PTPRT: variants seen among roughly 807,000 people sequenced by gnomAD.
PTPRT encodes the protein protein tyrosine phosphatase receptor type T, also known as receptor-type tyrosine-protein phosphatase T.
A neutral mutation model predicts 176.8 loss-of-function variants in PTPRT; 56 were observed. The ratio of observed to expected loss-of-function variants is 0.32; its 90% CI spans 0.26 to 0.40. The LOEUF is 0.40. PTPRT is among the 10% of genes least tolerant of loss of function. The pLI is 1.00. For synonymous variants in PTPRT, 783 were observed against 739.0 expected, an observed-to-expected ratio of 1.06 and a Z score of -0.96; for missense variants, 1,540 against 1,908.2, an observed-to-expected ratio of 0.81 and a Z score of 3.60.
chr20:42,223,818 G>A (rs2055941926), intron 15 of PTPRT, among the ~76,000 whole-genome samples: 1 of 152,128 alleles, frequency 6.6e-6, no homozygotes. Flanking sequence ...GAAGTATGAA[G>A]ACTTAGCTTT....
chr20:42,584,564 T>C (rs6065516), intron 7 of PTPRT, among the ~76,000 whole-genome samples: 97,437 of 152,108 alleles, frequency 0.64, 32,305 homozygotes, highest in East Asian at 0.82. Flanking sequence ...ACCTCAGCCC[T>C]CTGGAGAGCC....
At chr20:42,343,281 C>T (rs1201316218) in intron 11 of PTPRT, among the ~76,000 whole-genome samples, 2 of 152,192 alleles carry the variant, frequency 1.3e-5, no homozygotes, top group Admixed American at 1.3e-4. Context: ...CTCATAGACT[C>T]TTCCCTCCCT....
chr20:42,903,590 C>G (rs1367797323), intron 1 of PTPRT, among the ~76,000 whole-genome samples: 1 of 152,188 alleles, frequency 6.6e-6, no homozygotes, highest in African/African-American at 2.4e-5. Context: ...AGTTGGTTGT[C>G]AGAAGTCCTC....
At chr20:42,588,485 A>G (rs1292027641) in intron 7 of PTPRT, among the ~76,000 whole-genome samples, 1 of 152,108 alleles carries the variant, frequency 6.6e-6, no homozygotes, top group Admixed American at 6.5e-5. Flanking sequence ...AGAAAAATGA[A>G]ATGTGGCTGG....
intron 15 of PTPRT, among the ~76,000 whole-genome samples, chr20:42,217,714 A>G (rs1424633623): frequency 6.6e-6 from 1 of 152,030 alleles, no homozygotes; most frequent in Non-Finnish European, 1.5e-5. Context: ...CTTGGTTTCC[A>G]CCCTCTAGAT....
At chr20:43,015,851 T>C (rs1985340638) in intron 1 of PTPRT, among the ~76,000 whole-genome samples, 1 of 151,658 alleles carries the variant, frequency 6.6e-6, no homozygotes, top group Non-Finnish European at 1.5e-5. Flanking sequence ...CAGATTCCTT[T>C]GCAGATATAA....
chr20:42,765,900 C>A (rs1323612925), intron 5 of PTPRT, among the ~76,000 whole-genome samples: 1 of 152,122 alleles, frequency 6.6e-6, no homozygotes, highest in Admixed American at 6.6e-5. Flanking sequence ...TTCTTTCCAG[C>A]CTTTTGTCCT....
chr20:42,232,527 G>A (rs1447989526), intron 15 of PTPRT, among the ~76,000 whole-genome samples: 1 of 152,052 alleles, frequency 6.6e-6, no homozygotes, highest in African/African-American at 2.4e-5. Context: ...CTCCCCCTCG[G>A]GGCATATACT....
At chr20:42,643,697 T>G (rs1171651684) in intron 7 of PTPRT, among the ~76,000 whole-genome samples, 3 of 152,086 alleles carry the variant, frequency 2.0e-5, no homozygotes, top group African/African-American at 7.3e-5. Flanking sequence ...TGGGCAAGCA[T>G]TTCAAGCTGG....
intron 6 of PTPRT, among the ~76,000 whole-genome samples, chr20:42,709,260 C>T (rs1600644721): frequency 6.6e-6 from 1 of 152,178 alleles, no homozygotes; most frequent in East Asian, 1.9e-4. Context: ...TTTGTCCCCT[C>T]CACAGAATCT....
intron 13 of PTPRT, among the ~76,000 whole-genome samples, chr20:42,254,885 G>A (rs1337260743): frequency 5.3e-5 from 8 of 152,114 alleles, no homozygotes; most frequent in East Asian, 1.9e-4. Flanking sequence ...TTTCTCTGAC[G>A]TCATCTTTTA....
chr20:42,826,259 G>A (rs1414255024), intron 2 of PTPRT, among the ~76,000 whole-genome samples: 1 of 152,174 alleles, frequency 6.6e-6, no homozygotes, highest in African/African-American at 2.4e-5. Flanking sequence ...GCCTTCATGA[G>A]TGCAGAAGGC....
chr20:42,034,262 G>A, the PTPRT span, among the ~76,000 whole-genome samples: 3 of 152,166 alleles, frequency 2.0e-5, no homozygotes, highest in Non-Finnish European at 2.9e-5. Context: ...TTTGAAGGCT[G>A]TTGGACTGAG....
intron 9 of PTPRT, among the ~76,000 whole-genome samples, chr20:42,368,901 G>A (rs1324624321): frequency 1.3e-5 from 2 of 152,170 alleles, no homozygotes; most frequent in African/African-American, 4.8e-5. Flanking sequence ...GGGTTATACA[G>A]TGTCTCAACC....
intron 9 of PTPRT, among the ~76,000 whole-genome samples, chr20:42,354,608 C>T (rs941235229): frequency 2.6e-5 from 4 of 152,160 alleles, no homozygotes; most frequent in African/African-American, 4.8e-5. Flanking sequence ...TGGAGAGGTG[C>T]CCAACTGAAT....
chr20:42,915,144 A>G (rs1429281976), intron 1 of PTPRT, among the ~76,000 whole-genome samples: 1 of 152,272 alleles, frequency 6.6e-6, no homozygotes, highest in Non-Finnish European at 1.5e-5. Context: ...TCGTGGTCAG[A>G]GCAAAGAGAA....
At chr20:42,674,614 C>T (rs939526048) in intron 7 of PTPRT, among the ~76,000 whole-genome samples, 1 of 152,146 alleles carries the variant, frequency 6.6e-6, no homozygotes, top group African/African-American at 2.4e-5. Context: ...ATGAATATTG[C>T]ATTGCAAAGC....
chr20:43,099,978 A>G (rs889296604), intron 1 of PTPRT, among the ~76,000 whole-genome samples: 6 of 152,196 alleles, frequency 3.9e-5, no homozygotes, highest in Non-Finnish European at 8.8e-5. Flanking sequence ...GGACTCAATC[A>G]ATATCCATGC....
At chr20:42,603,174 C>A (rs561759534) in intron 7 of PTPRT, among the ~76,000 whole-genome samples, 1 of 152,106 alleles carries the variant, frequency 6.6e-6, no homozygotes. Flanking sequence ...ATGGCACACA[C>A]AATTTCAGAG....
Sources: gnomAD v4.1 joint callset for allele counts (sites outside exome capture counted in the v4.1 genomes callset) on GRCh38, gnomAD v4.1.1 for gene constraint, MANE v1.5 for transcripts, NCBI Gene and HGNC (gene_info 2026-07-23, HGNC 2026-07-21) for gene names.